ADAMTSL1: variants seen among roughly 807,000 people sequenced by gnomAD.
ADAMTSL1 encodes ADAMTS like 1, also known as ADAMTS-like protein 1.
Under a neutral mutation model 201.8 loss-of-function variants are expected in ADAMTSL1, and 126 were observed. That is an observed-to-expected ratio of 0.62 (90% CI 0.54 to 0.72). The LOEUF is 0.72. Ranked by LOEUF, ADAMTSL1 falls within the 30% of genes least tolerant of loss-of-function variation. The pLI is 0.00. For missense variants in ADAMTSL1, 2,679 were observed against 2,277.8 expected (o/e 1.18, Z -3.59); for synonymous variants, 1,121 against 903.4 (o/e 1.24, Z -4.32).
chr9:18,549,791 C>T (rs10756969), intron 3 of ADAMTSL1, among the ~76,000 whole-genome samples: 39,634 of 151,768 alleles, frequency 0.26, 5,643 homozygotes, highest in East Asian at 0.61. Context: ...TAGTGACCAA[C>T]GAGTCTATGT....
At chr9:18,715,341 AT>A (rs1391374918) in intron 14 of ADAMTSL1, among the ~76,000 whole-genome samples, 1 of 152,074 alleles carries the variant, frequency 6.6e-6, no homozygotes, top group Non-Finnish European at 1.5e-5. Context: ...AGAAATCCCC[AT>A]TGTCTCAGCC....
intron 2 of ADAMTSL1, among the ~76,000 whole-genome samples, chr9:18,413,112 G>C (rs977309040): frequency 6.7e-6 from 1 of 149,674 alleles, no homozygotes; most frequent in African/African-American, 2.5e-5. Flanking sequence ...TTCTTCAACT[G>C]CTTGTTTATT....
intron 4 of ADAMTSL1, among the ~76,000 whole-genome samples, chr9:18,600,481 T>C (rs922273854): frequency 1.3e-5 from 2 of 152,216 alleles, no homozygotes; most frequent in Non-Finnish European, 2.9e-5. Context: ...TATACTTCCC[T>C]CCTAGACAAC....
chr9:18,767,875 G>C (rs1820455794), intron 16 of ADAMTSL1, among the ~76,000 whole-genome samples: 1 of 152,180 alleles, frequency 6.6e-6, no homozygotes, highest in Non-Finnish European at 1.5e-5. Context: ...CATTAGCTCT[G>C]AGACCATAGA....
chr9:18,480,521 T>C (rs928668348), intron 1 of ADAMTSL1, among the ~76,000 whole-genome samples: 3 of 152,220 alleles, frequency 2.0e-5, no homozygotes, highest in Non-Finnish European at 4.4e-5. Flanking sequence ...AGACTTACAC[T>C]GTGAACATTC....
Position 18,138,268 on chromosome 9 carries a change from T to C in ADAMTSL1, c.88-25594T>C, listed in dbSNP as rs1236683580. Among the ~76,000 whole-genome samples, 6 of 152,162 alleles carry C rather than the reference T, an allele frequency of 3.9e-5. No individual in the cohort carries two copies. The East Asian group carries it at 1.2e-3, about 29-fold the overall frequency. ...TATAATTATTATACTTTTAGAATTT[T>C]CTTAAAACCAAACTGTGTTTCAGGT... On this transcript the variant is annotated intron_variant, in intron 1 of 29. Transcript: ENST00000680146.
intron 1 of ADAMTSL1, among the ~76,000 whole-genome samples, chr9:18,486,261 T>C (rs753754841): frequency 4.3e-4 from 65 of 152,240 alleles, no homozygotes; most frequent in Non-Finnish European, 8.2e-4. Context: ...ACAACCAATG[T>C]ATCTGTATCC....
chr9:18,853,770 C>T (rs147134510), intron 23 of ADAMTSL1, among the ~76,000 whole-genome samples: 1 of 152,198 alleles, frequency 6.6e-6, no homozygotes, highest in East Asian at 1.9e-4. Flanking sequence ...TCTTAATTTT[C>T]TCACTGTTAT....
At chr9:18,550,002 T>C (rs1820703774) in intron 3 of ADAMTSL1, among the ~76,000 whole-genome samples, 2 of 151,986 alleles carry the variant, frequency 1.3e-5, no homozygotes, top group Non-Finnish European at 2.9e-5. Flanking sequence ...GGTCCTTCCT[T>C]TCCCAGCCTG....
chr9:18,112,909 A>G (rs1825090910), intron 1 of ADAMTSL1, among the ~76,000 whole-genome samples: 1 of 152,154 alleles, frequency 6.6e-6, no homozygotes, highest in Admixed American at 6.6e-5. Context: ...GAGGATTAGA[A>G]AGAAGGCTAC....
At position 18,120,659 on chromosome 9, in the gene ADAMTSL1, A is replaced by C. The variant is rs868247302; in HGVS notation, c.88-43203A>C. On this transcript the variant is annotated intron_variant, in intron 1 of 29. Coordinates refer to the ADAMTSL1 transcript ENST00000680146. ...TATTTCATGTGTGTACACACACACA[A>C]AAAAACACATATAAGAAATGCAGAA... Among the ~76,000 whole-genome samples, 12 of 152,340 alleles carry C rather than the reference A, an allele frequency of 7.9e-5. No individual in the cohort carries two copies. In the Middle Eastern group the frequency reaches 0.014, roughly 173 times the overall value.
At chr9:18,661,861 T>C in intron 8 of ADAMTSL1, 74 bp from the exon 9 acceptor site, 2 of 1,470,558 alleles carry the variant, frequency 1.4e-6, no homozygotes, top group Non-Finnish European at 9.1e-7. Flanking sequence ...TGATGTGAGC[T>C]GGCCAAAATG....
intron 1 of ADAMTSL1, among the ~76,000 whole-genome samples, chr9:17,986,285 C>T (rs938967180): frequency 8.6e-5 from 13 of 151,978 alleles, no homozygotes; most frequent in Non-Finnish European, 1.9e-4. Context: ...TCTGCAATGA[C>T]CACCTACTCT....
chr9:18,300,854 CA>C (rs1449503158), intron 2 of ADAMTSL1, among the ~76,000 whole-genome samples: 1 of 151,722 alleles, frequency 6.6e-6, no homozygotes, highest in African/African-American at 2.4e-5. Context: ...GAGAAGTTTA[CA>C]AAAAAGTTAT....
rs181946662 is a variant in ADAMTSL1, at chr9:18,910,697, C to G, written c.*2149C>G. The G allele has an allele frequency of 1.7e-4, 26 of 152,336 alleles. No homozygotes were observed. The highest frequency in any genetic ancestry group is 4.8e-4 in the African/African-American group (20 of 41,566). The allele number at this position is 152,336 out of a possible 1,614,324, so 9.4% of individuals were successfully genotyped here. On this transcript the variant is annotated 3_prime_UTR_variant, in exon 29 of 29. Transcript: ENST00000380548. ...TTTACATTTCCTAAAGAGCAAGCATCCTCCAGCTCCATGTTGGGTTGGAGC... is the reference window on the plus strand; with the variant it reads ...TTTACATTTCCTAAAGAGCAAGCATGCTCCAGCTCCATGTTGGGTTGGAGC...
At chr9:17,930,599 G>A (rs1826742251) in intron 1 of ADAMTSL1, among the ~76,000 whole-genome samples, 1 of 152,138 alleles carries the variant, frequency 6.6e-6, no homozygotes, top group African/African-American at 2.4e-5. Context: ...TGTGGCTGAT[G>A]TCTGGATACA....
At chr9:18,085,545 TATACATACACACTGTGTGTATAC>T (rs1009637484) in intron 1 of ADAMTSL1, among the ~76,000 whole-genome samples, 2 of 150,110 alleles carry the variant, frequency 1.3e-5, no homozygotes, top group Non-Finnish European at 1.5e-5. Context: ...ATATACTGTG[TATACATACACACTGTGTGTATAC>T]ATATATACAC....
At chr9:18,367,845 A>T (rs1462700772) in intron 2 of ADAMTSL1, among the ~76,000 whole-genome samples, 1 of 152,086 alleles carries the variant, frequency 6.6e-6, no homozygotes, top group Non-Finnish European at 1.5e-5. Context: ...GCAGGTGGGC[A>T]GTCAGACATA....
At chr9:18,407,515 A>C (rs1281442899) in intron 2 of ADAMTSL1, among the ~76,000 whole-genome samples, 1 of 152,206 alleles carries the variant, frequency 6.6e-6, no homozygotes, top group Non-Finnish European at 1.5e-5. Context: ...AAGAGGAGTG[A>C]GAAGTAGTAG....
Sources: allele counts gnomAD v4.1 joint callset (sites outside exome capture counted in the v4.1 genomes callset), GRCh38; gene constraint gnomAD v4.1.1; transcripts MANE v1.5; gene names NCBI Gene and HGNC (gene_info 2026-07-23, HGNC 2026-07-21).